The following CDH13 variants were observed in gnomAD, a reference collection of about 807,000 sequenced individuals.
CDH13 encodes cadherin-13.
CDH13 carries 24 observed loss-of-function variants against 63.8 expected under a neutral mutation model. The observed-to-expected ratio is 0.38, with a 90% CI of 0.27 to 0.53. The LOEUF is 0.53. Among genes scored for constraint, CDH13 ranks in the 20% least tolerant of loss-of-function variants. CDH13 has a pLI of 0.85. For missense variants in CDH13, 1,049 were observed against 903.1 expected (o/e 1.16, Z -2.07); for synonymous variants, 503 against 355.3 (o/e 1.42, Z -4.67).
chr16:83,727,524 C>G (rs1408682937), intron 10 of CDH13, among the ~76,000 whole-genome samples: 1 of 151,724 alleles, frequency 6.6e-6, no homozygotes, highest in Non-Finnish European at 1.5e-5. Context: ...CCAGAGATCA[C>G]CACTGCGGCA....
intron 8 of CDH13, among the ~76,000 whole-genome samples, chr16:83,666,026 A>G (rs1913918444): frequency 6.6e-6 from 1 of 152,260 alleles, no homozygotes; most frequent in Non-Finnish European, 1.5e-5. Flanking sequence ...CCAACAGGCC[A>G]CAGTGATTGT....
intron 6 of CDH13, among the ~76,000 whole-genome samples, chr16:83,350,155 A>G (rs758679144): frequency 2.0e-5 from 3 of 152,072 alleles, no homozygotes; most frequent in Non-Finnish European, 2.9e-5. Context: ...CAGCTCCAAT[A>G]TCCTGTCCTC....
intron 7 of CDH13, among the ~76,000 whole-genome samples, chr16:83,516,231 A>G (rs909062366): frequency 6.6e-6 from 1 of 152,228 alleles, no homozygotes. Context: ...GTGCCAAAGA[A>G]TGAGAAGCAA....
At chr16:83,556,278 C>A (rs979381416) in intron 7 of CDH13, among the ~76,000 whole-genome samples, 1 of 152,102 alleles carries the variant, frequency 6.6e-6, no homozygotes, top group Admixed American at 6.6e-5. Flanking sequence ...CCCTAAAAAT[C>A]CTTGCTCATG....
intron 5 of CDH13, among the ~76,000 whole-genome samples, chr16:83,226,350 C>T (rs2039838153): frequency 6.6e-6 from 1 of 152,162 alleles, no homozygotes; most frequent in Non-Finnish European, 1.5e-5. Flanking sequence ...AAAGCTGCTT[C>T]CTCACTCAGG....
At chr16:83,191,790 T>C (rs1459632253) in intron 4 of CDH13, among the ~76,000 whole-genome samples, 1 of 151,832 alleles carries the variant, frequency 6.6e-6, no homozygotes, top group Non-Finnish European at 1.5e-5. Flanking sequence ...CTGCTTTATA[T>C]TCTAGCCATG....
At chr16:82,982,513 C>T (rs1041795022) in intron 2 of CDH13, among the ~76,000 whole-genome samples, 1 of 152,182 alleles carries the variant, frequency 6.6e-6, no homozygotes, top group Non-Finnish European at 1.5e-5. Flanking sequence ...GGCTTAGGGA[C>T]TATTCCTCCA....
In CDH13 at chr16:83,157,726, C is replaced by G. The variant is rs146204164; in HGVS notation, c.483+32225C>G. Among the ~76,000 whole-genome samples the G allele has an allele frequency of 8.4e-3, 1,158 of 137,230 alleles. 18 individuals are homozygous for G. The highest frequency in any genetic ancestry group is 0.03 in the African/African-American group (1,101 of 36,160). 90.0% of individuals were successfully genotyped at this position (137,230 alleles called of 152,430 possible). A position where few individuals can be genotyped will look rare whatever the true frequency, so the allele number is the denominator to read the frequency against. On this transcript the variant is annotated intron_variant, in intron 4 of 13. Coordinates refer to ENST00000567109, the MANE Select transcript of CDH13 (RefSeq NM_001257.5). ...GGGCTAACAGGGTGAAACCCCGTCT[C>G]TACTAGAAATATAAAAAAAAAAAAA... is the stretch of plus-strand genomic sequence containing the variant.
chr16:83,112,936 A>G (rs17194777), intron 3 of CDH13, among the ~76,000 whole-genome samples: 14,976 of 152,192 alleles, frequency 0.098, 850 homozygotes, highest in Non-Finnish European at 0.11. Context: ...AGCACTTATA[A>G]AGGAGGAAAA....
At chr16:82,759,941 A>C (rs1221350305) in intron 1 of CDH13, among the ~76,000 whole-genome samples, 6 of 152,126 alleles carry the variant, frequency 3.9e-5, no homozygotes, top group African/African-American at 1.4e-4. Flanking sequence ...ATTTACTGTA[A>C]GTTTTCATTT....
chr16:83,020,104 A>G (rs570135255), intron 2 of CDH13, among the ~76,000 whole-genome samples: 35 of 152,286 alleles, frequency 2.3e-4, no homozygotes, highest in African/African-American at 7.9e-4. Flanking sequence ...GCTATCATAT[A>G]TGTGTTCCTC....
chr16:83,515,204 G>T (rs1387136184), intron 7 of CDH13, among the ~76,000 whole-genome samples: 1 of 152,162 alleles, frequency 6.6e-6, no homozygotes, highest in Non-Finnish European at 1.5e-5. Context: ...TCATGCCTCA[G>T]CTGGGTGGTG....
chr16:83,044,557 T>G (rs1420832614), intron 3 of CDH13, among the ~76,000 whole-genome samples: 1 of 152,226 alleles, frequency 6.6e-6, no homozygotes, highest in East Asian at 1.9e-4. Flanking sequence ...GCCAGGGACC[T>G]GATCTCATTC....
rs77353896 is a variant in CDH13 at position 83,662,602 on chromosome 16, C to G, written c.1102-8188C>G. 3.9e-5 allele frequency among the ~76,000 whole-genome samples: 6 copies of G among 152,256 alleles called. No individual in the cohort carries two copies. The East Asian group carries it at 9.6e-4, about 24-fold the overall frequency. The stretch of plus-strand genomic sequence containing the variant: ...GTTGAGGATCTCTAAAGCCTGAAGA[C>G]AGGCATGTGGGGGGTATTATCCTAT... On this transcript the variant is annotated intron_variant, in intron 8 of 13. Coordinates refer to ENST00000567109, the MANE Select transcript of CDH13 (RefSeq NM_001257.5).
intron 4 of CDH13, among the ~76,000 whole-genome samples, chr16:83,153,049 C>A (rs1368244562): frequency 6.6e-6 from 1 of 152,218 alleles, no homozygotes. Flanking sequence ...CCAGAGCCAA[C>A]TTCTCAAGAC....
chr16:82,747,494 C>T (rs917194693), intron 1 of CDH13, among the ~76,000 whole-genome samples: 2 of 152,140 alleles, frequency 1.3e-5, no homozygotes, highest in Non-Finnish European at 2.9e-5. Flanking sequence ...AAAGTATGGT[C>T]CCTGGACCAG....
rs150956406 is a variant in CDH13, at chr16:83,045,101, C to T, written c.366+12883C>T. 6.6e-5 allele frequency among the ~76,000 whole-genome samples: 10 copies of T among 152,202 alleles called. No individual in the cohort carries two copies. The East Asian group carries it at 1.9e-3, about 29-fold the overall frequency. On this transcript the variant is annotated intron_variant, in intron 3 of 13. Transcript: ENST00000567109. ...TCACATGGAGATACTTGGTCACTGC[C>T]GGCTTTGCGGTCGGCATGACTCCTA... is the stretch of plus-strand genomic sequence containing the variant.
At chr16:83,659,598 C>A (rs530792555) in intron 8 of CDH13, among the ~76,000 whole-genome samples, 1 of 152,344 alleles carries the variant, frequency 6.6e-6, no homozygotes, top group Admixed American at 6.5e-5. Context: ...CAAGAACGAT[C>A]TCTGAAAGCA....
chr16:83,588,353 T>G (rs997079827), intron 7 of CDH13, among the ~76,000 whole-genome samples: 1 of 152,348 alleles, frequency 6.6e-6, no homozygotes, highest in South Asian at 2.1e-4. Flanking sequence ...ATTTGCTGTG[T>G]GGTGATCAAC....
Sources: allele counts gnomAD v4.1 joint callset (sites outside exome capture counted in the v4.1 genomes callset), GRCh38; gene constraint gnomAD v4.1.1; transcripts MANE v1.5; gene names NCBI Gene and HGNC (gene_info 2026-07-23, HGNC 2026-07-21).